Variants in MTM1 observed in about 807,000 individuals in gnomAD.
The protein encoded by MTM1 is myotubularin.
In MTM1, 9 loss-of-function variants were observed where a neutral mutation model predicts 52.1. The observed-to-expected ratio is 0.17, with a 90% confidence interval of 0.10 to 0.30. The LOEUF (loss-of-function observed/expected upper bound fraction) is 0.30. Among genes scored for constraint, MTM1 ranks in the 10% least tolerant of loss-of-function variants. MTM1 has a pLI of 1.00. For synonymous variants in MTM1, 136 were observed against 163.8 expected, an observed-to-expected ratio of 0.83 and a Z score of 1.29; for missense variants, 277 against 470.7, an observed-to-expected ratio of 0.59 and a Z score of 3.81.
chrX:150,583,899 T>A lies in MTM1; in HGVS notation c.-10-8706T>A, dbSNP rs1465765413. Among the ~76,000 whole-genome samples the A allele has an allele frequency of 4.8e-3, 137 of 28,367 alleles. 5 individuals carry two copies. The highest frequency in any genetic ancestry group is 0.024 in the African/African-American group (56 of 2,317). 24.6% of individuals were successfully genotyped at this position (28,367 alleles called of 115,157 possible). A position where few individuals can be genotyped will look rare whatever the true frequency, so the allele number is the denominator to read the frequency against. ...ATATTAAATATATATATATATTTGA[T>A]ATATATATATATAATATAAAATATA... On this transcript the variant is annotated intron_variant, in intron 1 of 14. Transcript: ENST00000370396.
chrX:150,643,110 G>T (rs1334838327), intron 8 of MTM1, among the ~76,000 whole-genome samples: 1 of 110,910 alleles, frequency 9.0e-6, no homozygotes, highest in East Asian at 2.8e-4. Context: ...TAACCACCCG[G>T]CTGTTGGCTA....
intron 2 of MTM1, 127 bp downstream of exon 2, chrX:150,592,804 A>G (rs1468485711): frequency 8.3e-6 from 4 of 479,079 alleles, no homozygotes; most frequent in Admixed American, 6.6e-5. Flanking sequence ...AAATACATTT[A>G]TACATGTGGT....
rs1231283834 is a variant in MTM1, at chrX:150,672,578, G to T, written c.*983G>T. ...TGTGTTTATGCATTTCAATTTCAAT[G>T]GTGTTGGCTTCCCCTCCCCACCCCA... On this transcript the variant is annotated 3_prime_UTR_variant, in exon 15 of 15. Transcript: ENST00000370396. The T allele has an allele frequency of 9.0e-6, 1 of 111,594 alleles. No individual in the cohort carries two copies. Among genetic ancestry groups the T allele is most frequent in the Non-Finnish European group, 1.9e-5 (1 of 53,231 alleles). The allele number at this position is 111,594 out of a possible 1,213,427, so 9.2% of individuals were successfully genotyped here.
In MTM1 at chrX:150,575,009, G is replaced by C. The variant is rs1366573421; in HGVS notation, c.-11+6347G>C. Among the ~76,000 whole-genome samples the C allele has an allele frequency of 4.5e-5, 5 of 112,228 alleles. No homozygotes were observed. In the Admixed American group the frequency reaches 4.7e-4, roughly 10 times the overall value. Reference sequence around the variant, plus strand: ...TCAGGATTTGAACCCAGGCAAGTCTGACTTCTGGGTTTGCAGCCTCCGCTG... The same window carrying C: ...TCAGGATTTGAACCCAGGCAAGTCTCACTTCTGGGTTTGCAGCCTCCGCTG... On this transcript the variant is annotated intron_variant, in intron 1 of 14. Transcript: ENST00000370396.
intron 10 of MTM1, among the ~76,000 whole-genome samples, chrX:150,655,652 T>A (rs2040100899): frequency 8.9e-6 from 1 of 112,257 alleles, no homozygotes; most frequent in Non-Finnish European, 1.9e-5. Context: ...AAAGGCCACC[T>A]ATTGCATTAT....
intron 4 of MTM1, among the ~76,000 whole-genome samples, chrX:150,601,510 A>G (rs2039067152): frequency 8.9e-6 from 1 of 112,484 alleles, no homozygotes; most frequent in Non-Finnish European, 1.9e-5. Context: ...TGTTTCAGGT[A>G]TGTAAACACT....
At chrX:150,573,879 G>A (rs782286956) in intron 1 of MTM1, among the ~76,000 whole-genome samples, 2 of 112,209 alleles carry the variant, frequency 1.8e-5, no homozygotes, top group African/African-American at 3.2e-5. Context: ...ATATACCTGC[G>A]TGTCAGTACT....
rs782697897 is a variant in MTM1, at chrX:150,598,393, C to T, written c.137-199C>T. Among the ~76,000 whole-genome samples the T allele has an allele frequency of 2.7e-5, 3 of 112,078 alleles. No homozygotes were observed. In the South Asian group the frequency reaches 1.1e-3, roughly 41 times the overall value. ...CTGTTAGTGCCTGGAGGTGGTGTGG[C>T]CCCACTAGTTCTCCCACTACCCCAA... On this transcript the variant is annotated intron_variant, in intron 3 of 14. Transcript: ENST00000370396.
At chrX:150,586,299 G>A (rs1266513532) in intron 1 of MTM1, among the ~76,000 whole-genome samples, 9 of 111,283 alleles carry the variant, frequency 8.1e-5, no homozygotes, top group Non-Finnish European at 1.5e-4. Flanking sequence ...CTTACTTGGG[G>A]GATCCTTTTT....
At chrX:150,659,812 T>C (rs1423545007) in intron 12 of MTM1, 56 bp downstream of exon 12, 3 of 980,782 alleles carry the variant, frequency 3.1e-6, no homozygotes, top group Non-Finnish European at 4.3e-6. Context: ...TTAAACATTT[T>C]AATATAATGA....
chrX:150,583,465 A>G (rs868957710), intron 1 of MTM1, among the ~76,000 whole-genome samples: 1 of 26,962 alleles, frequency 3.7e-5, no homozygotes, highest in East Asian at 1.5e-3. Flanking sequence ...TATAATTATA[A>G]ATATATATAA....
rs782552183 is a variant in MTM1, at chrX:150,653,280, G to A, written c.1053+3379G>A. 1.1e-4 allele frequency among the ~76,000 whole-genome samples: 12 copies of A among 111,214 alleles called. No individual in the cohort carries two copies. The South Asian group carries it at 4.6e-3, about 43-fold the overall frequency. On this transcript the variant is annotated intron_variant, in intron 10 of 14. Transcript: ENST00000370396. The stretch of plus-strand genomic sequence containing the variant: ...TGGAACGAGGGGAAATCCATTCCCC[G>A]CCTCTTCCAGCTTCTTGTAGGCATA...
intron 4 of MTM1, among the ~76,000 whole-genome samples, chrX:150,610,074 C>T (rs181371573): frequency 4.2e-3 from 469 of 112,032 alleles, no homozygotes; most frequent in Non-Finnish European, 7.2e-3. Flanking sequence ...TGATGTGACT[C>T]TTACTTGCTT....
chrX:150,660,275 A>G (rs1190721538), intron 12 of MTM1, 96 bp from the exon 13 acceptor site: 4 of 543,656 alleles, frequency 7.4e-6, no homozygotes, highest in Non-Finnish European at 1.3e-5. Context: ...GAGCCCTACA[A>G]TGTGGCAGCA....
At chrX:150,583,337 T>TATTATATATAATTATAAATATATATAA (rs2038645738) in intron 1 of MTM1, among the ~76,000 whole-genome samples, 1 of 51,734 alleles carries the variant, frequency 1.9e-5, no homozygotes, top group Non-Finnish European at 3.1e-5. Flanking sequence ...AAATTATATA[T>TATTATATATAATTATAAATATATATAA]ATTATATATA....
intron 1 of MTM1, among the ~76,000 whole-genome samples, chrX:150,586,461 T>C (rs1218138262): frequency 9.0e-6 from 1 of 111,454 alleles, no homozygotes; most frequent in Non-Finnish European, 1.9e-5. Context: ...AGGAGGCATA[T>C]TTGAAGGTAA....
intron 5 of MTM1, among the ~76,000 whole-genome samples, chrX:150,615,654 A>C: frequency 9.0e-6 from 1 of 111,643 alleles, no homozygotes; most frequent in East Asian, 2.8e-4. Context: ...CCAAAAACTA[A>C]GTCTCCTTTT....
At chrX:150,576,418 T>C (rs1223739844) in intron 1 of MTM1, among the ~76,000 whole-genome samples, 1 of 111,944 alleles carries the variant, frequency 8.9e-6, no homozygotes, top group African/African-American at 3.2e-5. Context: ...GTTTGTGCCC[T>C]CCTTTTTTCT....
chrX:150,586,339 A>G (rs1046281684), intron 1 of MTM1, among the ~76,000 whole-genome samples: 6 of 111,160 alleles, frequency 5.4e-5, no homozygotes, highest in East Asian at 2.8e-4. Flanking sequence ...TTTGTAGCCT[A>G]TTTTTAGATA....
Sources: allele counts gnomAD v4.1 joint callset (sites outside exome capture counted in the v4.1 genomes callset), GRCh38; gene constraint gnomAD v4.1.1; transcripts MANE v1.5; gene names NCBI Gene and HGNC (gene_info 2026-07-23, HGNC 2026-07-21).